NRXN3: variants seen among roughly 807,000 people sequenced by gnomAD.
The protein encoded by NRXN3 is neurexin 3.
Under a neutral mutation model 137.6 loss-of-function variants are expected in NRXN3, and 32 were observed. That is an observed-to-expected ratio of 0.23 (90% CI 0.18 to 0.31). The LOEUF (loss-of-function observed/expected upper bound fraction) is 0.31. Ranked by LOEUF, NRXN3 falls within the 10% of genes least tolerant of loss-of-function variation. The pLI, the probability that NRXN3 is intolerant of heterozygous loss-of-function variation, is 1.00. For synonymous variants in NRXN3, 798 were observed against 784.5 expected (o/e 1.02, Z -0.29); for missense variants, 1,574 against 2,062.5 (o/e 0.76, Z 4.59).
chr14:79,087,611 C>T (rs535613417), intron 15 of NRXN3, among the ~76,000 whole-genome samples: 1 of 152,134 alleles, frequency 6.6e-6, no homozygotes, highest in African/African-American at 2.4e-5. Context: ...TTTCCTGGTA[C>T]AGAAAAGGGG....
At chr14:79,757,314 T>A (rs896056499) in intron 19 of NRXN3, among the ~76,000 whole-genome samples, 9 of 152,158 alleles carry the variant, frequency 5.9e-5, no homozygotes, top group African/African-American at 2.2e-4. Flanking sequence ...TGCATTGATG[T>A]CAGAACAACT....
At chr14:78,783,938 G>T (rs1429579593) in intron 8 of NRXN3, among the ~76,000 whole-genome samples, 1 of 151,794 alleles carries the variant, frequency 6.6e-6, no homozygotes, top group Non-Finnish European at 1.5e-5. Context: ...TCCACCATCT[G>T]TTTTATAGAG....
At chr14:78,645,664 A>G (rs1437940716) in intron 5 of NRXN3, among the ~76,000 whole-genome samples, 2 of 151,606 alleles carry the variant, frequency 1.3e-5, no homozygotes, top group African/African-American at 2.4e-5. Context: ...ACTCAGTTGT[A>G]TAGATAATAA....
intron 15 of NRXN3, among the ~76,000 whole-genome samples, chr14:79,436,160 G>T (rs943523910): frequency 1.3e-5 from 2 of 152,076 alleles, no homozygotes; most frequent in South Asian, 2.1e-4. Context: ...AACCATTGAG[G>T]TTATAAGGAA....
chr14:79,852,798 T>G (rs1415857776), intron 20 of NRXN3, among the ~76,000 whole-genome samples: 2 of 152,136 alleles, frequency 1.3e-5, no homozygotes, highest in East Asian at 3.9e-4. Context: ...TGTGAAATAC[T>G]TTTTTCTTTA....
rs552232931 is a variant in NRXN3 at position 78,502,714 on chromosome 14, G to A, written c.758-142406G>A. On this transcript the variant is annotated intron_variant, in intron 4 of 20. Transcript: ENST00000335750. ...TTTGATATGATATTAGCTGCTTAGG[G>A]CAATTGCAAGAAATACCATACAAGG... is the stretch of plus-strand genomic sequence containing the variant. 3.3e-5 allele frequency among the ~76,000 whole-genome samples: 5 copies of A among 152,276 alleles called. No homozygotes were observed. In the East Asian group the frequency reaches 9.6e-4, roughly 29 times the overall value.
chr14:79,605,664 A>G (rs1244381440), intron 16 of NRXN3, among the ~76,000 whole-genome samples: 4 of 151,790 alleles, frequency 2.6e-5, no homozygotes, highest in Non-Finnish European at 5.9e-5. Flanking sequence ...ATTTTTTTGT[A>G]TTTTTAGTAG....
At chr14:79,491,134 G>A (rs532962012) in intron 16 of NRXN3, among the ~76,000 whole-genome samples, 4 of 152,166 alleles carry the variant, frequency 2.6e-5, no homozygotes, top group African/African-American at 9.6e-5. Flanking sequence ...GCAAAGGTAG[G>A]AACTATTATC....
chr14:79,757,354 TA>T (rs1353728603), intron 19 of NRXN3, among the ~76,000 whole-genome samples: 3 of 152,178 alleles, frequency 2.0e-5, no homozygotes, highest in African/African-American at 4.8e-5. Flanking sequence ...TTGGTACTGT[TA>T]TCATCGTCCT....
chr14:78,762,967 G>T (rs1289778987), intron 8 of NRXN3, among the ~76,000 whole-genome samples: 2 of 152,166 alleles, frequency 1.3e-5, no homozygotes, highest in African/African-American at 4.8e-5. Context: ...CACCCTGATG[G>T]CTGATTTCAT....
rs970246805 is a variant in NRXN3, at chr14:78,199,912, T to C, written c.-704+29238T>C. Among the ~76,000 whole-genome samples the C allele has an allele frequency of 1.8e-4, 27 of 152,300 alleles. 1 individual carries two copies. Among genetic ancestry groups the C allele is most frequent in the South Asian group, 6.2e-4 (3 of 4,816 alleles). ...GTGGCTCTCCCCCTGCAGTGGATAT[T>C]GTAGACTTTTGTACCTGCAGCAGGC... is the stretch of plus-strand genomic sequence containing the variant. On this transcript the variant is annotated intron_variant, in intron 1 of 20. Coordinates refer to ENST00000335750, the MANE Select transcript of NRXN3 (RefSeq NM_001330195.2).
intron 10 of NRXN3, among the ~76,000 whole-genome samples, chr14:78,876,423 G>T (rs944961937): frequency 1.2e-4 from 19 of 152,270 alleles, no homozygotes; most frequent in African/African-American, 4.1e-4. Flanking sequence ...TGTATTTGCG[G>T]ATTTATTTAT....
At chr14:78,813,581 G>A (rs2098921621) in intron 10 of NRXN3, among the ~76,000 whole-genome samples, 1 of 152,012 alleles carries the variant, frequency 6.6e-6, no homozygotes, top group African/African-American at 2.4e-5. Context: ...ATAAGTTTGT[G>A]AACTTTTTCA....
At chr14:79,735,236 T>C (rs951370597) in intron 19 of NRXN3, among the ~76,000 whole-genome samples, 2 of 152,208 alleles carry the variant, frequency 1.3e-5, no homozygotes, top group African/African-American at 4.8e-5. Context: ...TAAAATCTAT[T>C]ACACATTTGT....
intron 1 of NRXN3, among the ~76,000 whole-genome samples, chr14:78,193,630 C>A (rs540331842): frequency 6.6e-6 from 1 of 151,960 alleles, no homozygotes; most frequent in Non-Finnish European, 1.5e-5. Flanking sequence ...GATGTGGTGG[C>A]GCACACCTGT....
At chr14:78,859,305 T>C (rs185911054) in intron 10 of NRXN3, among the ~76,000 whole-genome samples, 2 of 152,250 alleles carry the variant, frequency 1.3e-5, no homozygotes, top group East Asian at 3.9e-4. Context: ...TACTCCTTCA[T>C]AGCGGTGTGA....
At chr14:78,636,994 G>C (rs796145864) in intron 4 of NRXN3, among the ~76,000 whole-genome samples, 2 of 151,420 alleles carry the variant, frequency 1.3e-5, no homozygotes, top group Non-Finnish European at 2.9e-5. Flanking sequence ...TTATTTTTTA[G>C]CAATATCCAT....
intron 5 of NRXN3, chr14:78,649,123 C>A: frequency 2.2e-6 from 1 of 454,400 alleles, no homozygotes; most frequent in South Asian, 1.9e-5. Context: ...GAGAAACTAA[C>A]ACAAGATCAT....
intron 1 of NRXN3, among the ~76,000 whole-genome samples, chr14:78,207,620 G>A (rs112389390): frequency 6.8e-4 from 104 of 152,256 alleles, no homozygotes; most frequent in African/African-American, 2.3e-3. Flanking sequence ...CATTTCCTGC[G>A]TATCTGAGTG....
Sources: allele counts gnomAD v4.1 joint callset (sites outside exome capture counted in the v4.1 genomes callset), GRCh38; gene constraint gnomAD v4.1.1; transcripts MANE v1.5; gene names NCBI Gene and HGNC (gene_info 2026-07-23, HGNC 2026-07-21).